The following RELN variants were observed in gnomAD, a reference collection of about 807,000 sequenced individuals.
RELN encodes the protein reelin.
In RELN, 108 loss-of-function variants were observed where a neutral mutation model predicts 427.6. The ratio of observed to expected loss-of-function variants is 0.25; its 90% CI spans 0.22 to 0.30. The LOEUF (loss-of-function observed/expected upper bound fraction) is 0.30. Ranked by LOEUF, RELN falls within the 10% of genes least tolerant of loss-of-function variation. The pLI is 1.00. For missense variants in RELN, 3,715 were observed against 4,302.8 expected, an observed-to-expected ratio of 0.86 and a Z score of 3.82; for synonymous variants, 1,524 against 1,513.4, an observed-to-expected ratio of 1.01 and a Z score of -0.16.
At chr7:103,501,467 T>G (rs1829026290) in intron 52 of RELN, among the ~76,000 whole-genome samples, 1 of 152,220 alleles carries the variant, frequency 6.6e-6, no homozygotes, top group Non-Finnish European at 1.5e-5. Flanking sequence ...ACATTTTCTT[T>G]GAGATTTTAA....
At chr7:103,586,220 G>C (rs3109325) in intron 28 of RELN, among the ~76,000 whole-genome samples, 1,876 of 151,986 alleles carry the variant, frequency 0.012, 14 homozygotes, top group African/African-American at 0.019. Flanking sequence ...AAAATTAGCC[G>C]GGCATGGTGA....
chr7:103,797,573 T>C (rs578187922), intron 3 of RELN, among the ~76,000 whole-genome samples: 1 of 152,240 alleles, frequency 6.6e-6, no homozygotes, highest in Non-Finnish European at 1.5e-5. Flanking sequence ...CTAGTTTTTT[T>C]ATTTTTCTGA....
In RELN at chr7:103,501,905, A is replaced by G. The variant is rs879686033; in HGVS notation, c.8490-983T>C. 3.9e-5 allele frequency among the ~76,000 whole-genome samples: 6 copies of G among 152,026 alleles called. No individual in the cohort carries two copies. The East Asian group carries it at 1.2e-3, about 29-fold the overall frequency. On this transcript the variant is annotated intron_variant, in intron 52 of 64. Transcript: ENST00000428762. ...TGGCTGTCTTGGAACAAAAGCAACT[A>G]TCTTTCTTTCTCACTGGACGTAAGT...
chr7:103,791,434 A>G (rs960062840), intron 3 of RELN, among the ~76,000 whole-genome samples: 1 of 152,216 alleles, frequency 6.6e-6, no homozygotes, highest in Non-Finnish European at 1.5e-5. Flanking sequence ...AGAGTCCAGT[A>G]GTATACTTTT....
chr7:103,482,183 C>T (rs1397781027), intron 63 of RELN: 3 of 152,430 alleles, frequency 2.0e-5, no homozygotes, highest in African/African-American at 7.2e-5. Flanking sequence ...TTGAACCTAT[C>T]TACCGAGAAG....
intron 2 of RELN, among the ~76,000 whole-genome samples, chr7:103,871,853 A>G (rs1001358215): frequency 6.6e-6 from 1 of 151,972 alleles, no homozygotes; most frequent in African/African-American, 2.4e-5. Context: ...GGTGTATTTC[A>G]AGATTTCTTT....
chr7:103,566,423 A>G lies in RELN; in HGVS notation c.4748-11T>C, dbSNP rs201494847. 4,283 of 1,613,334 alleles carry G rather than the reference A, an allele frequency of 2.7e-3. 46 individuals are homozygous for G. Among genetic ancestry groups the G allele is most frequent in the South Asian group, 0.022 (2,023 of 91,058 alleles). On this transcript the variant is annotated splice_polypyrimidine_tract_variant and intron_variant, in intron 32 of 64. Coordinates refer to ENST00000428762, the MANE Select transcript of RELN (RefSeq NM_005045.4). Reference sequence around the variant, plus strand: ...GGGCTGAATGCTTCCCTGCAATCAGATGAATAAAGGTGGTTAGAGAAGTTT... The same window carrying G: ...GGGCTGAATGCTTCCCTGCAATCAGGTGAATAAAGGTGGTTAGAGAAGTTT...
chr7:103,682,393 A>T, intron 10 of RELN, 132 bp from the exon 11 acceptor site: 3 of 905,928 alleles, frequency 3.3e-6, no homozygotes, highest in Non-Finnish European at 5.3e-6. Flanking sequence ...TCAAATCAAA[A>T]GAGCTTGTTA....
chr7:103,892,580 T>A (rs995091237), intron 2 of RELN, among the ~76,000 whole-genome samples: 7 of 152,170 alleles, frequency 4.6e-5, no homozygotes, highest in Admixed American at 2.6e-4. Context: ...CACAACCAAT[T>A]TCTGTTCAGA....
chr7:103,861,787 G>C (rs750276396), intron 2 of RELN, among the ~76,000 whole-genome samples: 3 of 152,138 alleles, frequency 2.0e-5, no homozygotes, highest in Non-Finnish European at 4.4e-5. Context: ...ATGAAGTGGG[G>C]AGTAGAAGAT....
At chr7:103,543,942 C>T (rs540756626) in intron 42 of RELN, among the ~76,000 whole-genome samples, 18 of 152,292 alleles carry the variant, frequency 1.2e-4, no homozygotes, top group East Asian at 7.7e-4. Flanking sequence ...CCTCCTCCAA[C>T]GCTGGCAAAT....
intron 20 of RELN, among the ~76,000 whole-genome samples, chr7:103,624,949 A>T (rs1832297450): frequency 1.3e-5 from 2 of 152,224 alleles, no homozygotes; most frequent in Non-Finnish European, 2.9e-5. Context: ...GAAAGTACCC[A>T]AGAGGCCCTT....
At chr7:103,772,312 A>G (rs1791588613) in intron 4 of RELN, among the ~76,000 whole-genome samples, 4 of 150,178 alleles carry the variant, frequency 2.7e-5, no homozygotes, top group Admixed American at 2.6e-4. Flanking sequence ...AATAGTTGTC[A>G]AATGAATGAA....
intron 8 of RELN, among the ~76,000 whole-genome samples, chr7:103,711,623 G>C (rs1043799002): frequency 6.6e-6 from 1 of 151,926 alleles, no homozygotes; most frequent in African/African-American, 2.4e-5. Flanking sequence ...GATTAGAATC[G>C]ATGAAATGAC....
At chr7:103,852,861 A>C (rs1225470958) in intron 2 of RELN, among the ~76,000 whole-genome samples, 2 of 152,064 alleles carry the variant, frequency 1.3e-5, no homozygotes, top group Non-Finnish European at 2.9e-5. Flanking sequence ...TCTGATGATA[A>C]AATATATTTC....
intron 1 of RELN, among the ~76,000 whole-genome samples, chr7:103,932,220 G>C (rs2116711210): frequency 6.6e-6 from 1 of 152,326 alleles, no homozygotes; most frequent in East Asian, 1.9e-4. Context: ...AAAAGAACAA[G>C]ATCAGGTCCT....
chr7:103,908,595 T>C lies in RELN; in HGVS notation c.337+8480A>G, dbSNP rs78697308. Reference sequence around the variant, plus strand: ...GGCTCAAATCTCATGCCCTTGAATATCTGCTTTAACAATTTATTGGTTAAT... The same window carrying C: ...GGCTCAAATCTCATGCCCTTGAATACCTGCTTTAACAATTTATTGGTTAAT... On this transcript the variant is annotated intron_variant, in intron 2 of 64. Transcript: ENST00000428762. Among the ~76,000 whole-genome samples, 55 of 152,320 alleles carry C rather than the reference T, an allele frequency of 3.6e-4. 2 individuals carry two copies. In the East Asian group the frequency reaches 9.6e-3, roughly 27 times the overall value.
At chr7:103,609,425 G>C (rs1022585697) in intron 22 of RELN, among the ~76,000 whole-genome samples, 4 of 152,026 alleles carry the variant, frequency 2.6e-5, no homozygotes, top group African/African-American at 9.7e-5. Context: ...TGACATATAT[G>C]CTTGGAATAC....
chr7:103,848,389 T>C (rs190705338), intron 2 of RELN, among the ~76,000 whole-genome samples: 6 of 152,308 alleles, frequency 3.9e-5, no homozygotes, highest in African/African-American at 1.4e-4. Flanking sequence ...TTTTAAGACA[T>C]ATAGCTTTTC....
Sources: allele counts gnomAD v4.1 joint callset (sites outside exome capture counted in the v4.1 genomes callset), GRCh38; gene constraint gnomAD v4.1.1; transcripts MANE v1.5; gene names NCBI Gene and HGNC (gene_info 2026-07-23, HGNC 2026-07-21).